PAWR: variants seen among roughly 807,000 people sequenced by gnomAD.
PAWR encodes pro-apoptotic WT1 regulator.
Under a neutral mutation model 32.0 loss-of-function variants are expected in PAWR, and 23 were observed. The observed-to-expected ratio is 0.72, with a 90% confidence interval of 0.52 to 1.02. The LOEUF (loss-of-function observed/expected upper bound fraction) is 1.02. Among genes scored for constraint, PAWR ranks in the 50% least tolerant of loss-of-function variants. The pLI is 0.00. For missense variants in PAWR, 457 were observed against 437.7 expected, an observed-to-expected ratio of 1.04 and a Z score of -0.39; for synonymous variants, 226 against 187.1, an observed-to-expected ratio of 1.21 and a Z score of -1.70.
At chr12:79,642,281 C>A (rs1876363512) in intron 2 of PAWR, among the ~76,000 whole-genome samples, 1 of 152,140 alleles carries the variant, frequency 6.6e-6, no homozygotes, top group Admixed American at 6.5e-5. Context: ...AGACTTGACA[C>A]CAGCCCAAGA....
chr12:79,670,207 C>T (rs369540714), intron 2 of PAWR, among the ~76,000 whole-genome samples: 3 of 152,024 alleles, frequency 2.0e-5, no homozygotes, highest in East Asian at 1.9e-4. Flanking sequence ...TTAACAATGA[C>T]AAAAAGTTTT....
At chr12:79,664,580 A>G (rs183017700) in intron 2 of PAWR, among the ~76,000 whole-genome samples, 44 of 149,902 alleles carry the variant, frequency 2.9e-4, no homozygotes, top group Admixed American at 6.0e-4. Context: ...TAGAAAGTCA[A>G]TGTTTCAAAA....
chr12:79,665,173 TAG>T (rs955151261), intron 2 of PAWR, among the ~76,000 whole-genome samples: 1 of 152,194 alleles, frequency 6.6e-6, no homozygotes, highest in Non-Finnish European at 1.5e-5. Flanking sequence ...GAAAATTTTA[TAG>T]AGACAAAAAT....
intron 2 of PAWR, among the ~76,000 whole-genome samples, chr12:79,664,732 A>T (rs1877522404): frequency 6.7e-6 from 1 of 150,164 alleles, no homozygotes; most frequent in Non-Finnish European, 1.5e-5. Context: ...GACTCAAGTG[A>T]TCCTCCTGCC....
intron 2 of PAWR, among the ~76,000 whole-genome samples, chr12:79,670,060 G>T (rs1877814641): frequency 6.6e-6 from 1 of 151,932 alleles, no homozygotes; most frequent in Non-Finnish European, 1.5e-5. Context: ...TAACCTATGG[G>T]TATACAAAAT....
chr12:79,634,551 C>T (rs932492254), intron 2 of PAWR, among the ~76,000 whole-genome samples: 2 of 152,154 alleles, frequency 1.3e-5, no homozygotes, highest in African/African-American at 4.8e-5. Context: ...GTCAGAACTC[C>T]AACCTAAGCA....
chr12:79,679,634 A>G lies in PAWR; in HGVS notation c.516+10095T>C, dbSNP rs147573082. On this transcript the variant is annotated intron_variant, in intron 2 of 6. Transcript: ENST00000328827. ...AATAAAATAAAATCCCTGATACGGCAGTAGTATTAGCCTGGTGGGGCCAGG... is the reference window on the plus strand; with the variant it reads ...AATAAAATAAAATCCCTGATACGGCGGTAGTATTAGCCTGGTGGGGCCAGG... Among the ~76,000 whole-genome samples the G allele has an allele frequency of 4.1e-3, 624 of 152,326 alleles. 12 individuals are homozygous for G. The highest frequency in any genetic ancestry group is 0.014 in the African/African-American group (592 of 41,582).
intron 3 of PAWR, among the ~76,000 whole-genome samples, chr12:79,619,493 T>C (rs1489919203): frequency 6.6e-6 from 1 of 152,208 alleles, no homozygotes. Flanking sequence ...ATATCTTCTA[T>C]CCATGAAATT....
At chr12:79,627,298 G>A (rs1267621292) in intron 2 of PAWR, among the ~76,000 whole-genome samples, 3 of 152,094 alleles carry the variant, frequency 2.0e-5, no homozygotes, top group African/African-American at 7.2e-5. Flanking sequence ...GGCATGAGAT[G>A]GTATCTCATT....
At chr12:79,675,863 C>G (rs1878139516) in intron 2 of PAWR, among the ~76,000 whole-genome samples, 1 of 151,878 alleles carries the variant, frequency 6.6e-6, no homozygotes, top group Non-Finnish European at 1.5e-5. Flanking sequence ...AAATGTACCC[C>G]CTGAATCTAA....
chr12:79,651,965 A>G (rs1018471945), intron 2 of PAWR, among the ~76,000 whole-genome samples: 3 of 152,226 alleles, frequency 2.0e-5, no homozygotes, highest in African/African-American at 7.2e-5. Flanking sequence ...GCACCTTTGA[A>G]GACATTATGC....
chr12:79,668,332 C>G (rs1283384370), intron 2 of PAWR: 1 of 152,272 alleles, frequency 6.6e-6, no homozygotes, highest in Non-Finnish European at 1.5e-5. Context: ...TGATGAAGTG[C>G]TGTTTCTGCT....
chr12:79,617,758 A>G (rs1592504107), intron 3 of PAWR, among the ~76,000 whole-genome samples: 2 of 152,270 alleles, frequency 1.3e-5, no homozygotes, highest in Admixed American at 1.3e-4. Context: ...TCCAAATCTC[A>G]TGTTGAAATG....
In PAWR at chr12:79,668,947, C is replaced by T. The variant is rs1003326356; in HGVS notation, c.516+20782G>A. 2.0e-5 allele frequency among the ~76,000 whole-genome samples: 3 copies of T among 152,230 alleles called. 1 individual carries two copies. The highest frequency in any genetic ancestry group is 4.1e-4 in the South Asian group (2 of 4,826). ...TCCCAATCAAATACAAACATATTTA[C>T]ACACATGCACTTCCAACTGTGTGCT... On this transcript the variant is annotated intron_variant, in intron 2 of 6. Coordinates refer to ENST00000328827, the MANE Select transcript of PAWR (RefSeq NM_002583.4).
intron 2 of PAWR, among the ~76,000 whole-genome samples, chr12:79,630,491 C>T (rs529128882): frequency 5.3e-5 from 8 of 152,052 alleles, no homozygotes; most frequent in South Asian, 4.2e-4. Context: ...GTATAAGAGA[C>T]GGGGTTTCGT....
At chr12:79,644,156 G>A (rs753687393) in intron 2 of PAWR, among the ~76,000 whole-genome samples, 1 of 152,006 alleles carries the variant, frequency 6.6e-6, no homozygotes, top group East Asian at 1.9e-4. Flanking sequence ...CCAAAATCCC[G>A]TATCATTGGG....
intron 2 of PAWR, among the ~76,000 whole-genome samples, chr12:79,660,518 G>A (rs1266014369): frequency 6.6e-6 from 1 of 151,402 alleles, no homozygotes; most frequent in African/African-American, 2.4e-5. Context: ...TACCTCTAAA[G>A]ATCTCTTCCC....
At chr12:79,649,340 G>A (rs2136792279) in intron 2 of PAWR, among the ~76,000 whole-genome samples, 1 of 151,980 alleles carries the variant, frequency 6.6e-6, no homozygotes, top group South Asian at 2.1e-4. Context: ...TTTATGTTAA[G>A]GACATTTATG....
At chr12:79,643,302 C>T (rs999611294) in intron 2 of PAWR, among the ~76,000 whole-genome samples, 1 of 152,034 alleles carries the variant, frequency 6.6e-6, no homozygotes, top group East Asian at 1.9e-4. Flanking sequence ...TGGCACCCTG[C>T]AGATTATATG....
Sources: allele counts gnomAD v4.1 joint callset (sites outside exome capture counted in the v4.1 genomes callset), GRCh38; gene constraint gnomAD v4.1.1; transcripts MANE v1.5; gene names NCBI Gene and HGNC (gene_info 2026-07-23, HGNC 2026-07-21).